The following WDR43 variants were observed in gnomAD, a reference collection of about 807,000 sequenced individuals.
The protein encoded by WDR43 is WD repeat-containing protein 43.
Under a neutral mutation model 91.4 loss-of-function variants are expected in WDR43, and 13 were observed. The ratio of observed to expected loss-of-function variants is 0.14; its 90% CI spans 0.09 to 0.23. The LOEUF is 0.23. Ranked by LOEUF, WDR43 falls within the 10% of genes least tolerant of loss-of-function variation. The pLI, the probability that WDR43 is intolerant of heterozygous loss-of-function variation, is 1.00. For missense variants in WDR43, 780 were observed against 809.4 expected (o/e 0.96, Z 0.44); for synonymous variants, 331 against 287.9 (o/e 1.15, Z -1.51).
intron 8 of WDR43, among the ~76,000 whole-genome samples, chr2:28,925,682 C>G (rs1671115602): frequency 6.6e-6 from 1 of 152,164 alleles, no homozygotes; most frequent in African/African-American, 2.4e-5. Flanking sequence ...TAAGCATGTA[C>G]AAAAGGTTAT....
chr2:28,917,155 G>A (rs10175980), intron 5 of WDR43, among the ~76,000 whole-genome samples: 102,578 of 152,036 alleles, frequency 0.67, 35,219 homozygotes, highest in East Asian at 0.85. Context: ...GAACGGCAAC[G>A]GGAAGGCAGA....
intron 16 of WDR43, among the ~76,000 whole-genome samples, chr2:28,944,494 G>A (rs1156352295): frequency 1.3e-5 from 2 of 152,154 alleles, no homozygotes; most frequent in Non-Finnish European, 2.9e-5. Flanking sequence ...CATATATGTA[G>A]AGATTATATA....
At chr2:28,940,710 A>G (rs1363194238) in intron 14 of WDR43, among the ~76,000 whole-genome samples, 3 of 152,320 alleles carry the variant, frequency 2.0e-5, no homozygotes, top group South Asian at 4.1e-4. Context: ...TATGGCCATC[A>G]TGGTTTCCTT....
chr2:28,894,715 G>A lies in WDR43; in HGVS notation c.17G>A (p.Gly6Asp). Residue 6 changes from glycine to aspartate, a missense_variant, in exon 1 of 18, where the codon GGC becomes GAC. This residue lies in a region of WDR43 where 175 missense variants were observed against 113.8 expected (regional missense o/e 1.54). Transcript: ENST00000407426. MAAGG[G>D]GSCDPLAPAG... ...AGAGCAGCAATGGCGGCGGGCGGCGGCGGTAGCTGCGACCCCCTGGCCCCT... is the reference window on the plus strand; with the variant it reads ...AGAGCAGCAATGGCGGCGGGCGGCGACGGTAGCTGCGACCCCCTGGCCCCT... 1 of 1,562,978 alleles carries A rather than the reference G, an allele frequency of 6.4e-7. No homozygotes were observed.
chr2:28,945,511 G>A (rs183604867), intron 16 of WDR43, among the ~76,000 whole-genome samples: 71 of 152,280 alleles, frequency 4.7e-4, no homozygotes, highest in Middle Eastern at 6.8e-3. Flanking sequence ...TTCACAGAAT[G>A]CCCCACCTTA....
intron 3 of WDR43, among the ~76,000 whole-genome samples, chr2:28,909,101 A>C (rs542924905): frequency 1.3e-5 from 2 of 152,066 alleles, no homozygotes; most frequent in South Asian, 4.1e-4. Flanking sequence ...CTGTCTTGTA[A>C]GTTCTGCTGA....
At chr2:28,933,646 G>A (rs572203064) in intron 11 of WDR43, among the ~76,000 whole-genome samples, 81 of 152,282 alleles carry the variant, frequency 5.3e-4, no homozygotes, top group Non-Finnish European at 9.0e-4. Context: ...CAAAGGATTT[G>A]TATCTGGACT....
chr2:28,909,195 A>G (rs960165706), intron 3 of WDR43, among the ~76,000 whole-genome samples: 13 of 152,112 alleles, frequency 8.5e-5, no homozygotes, highest in African/African-American at 3.1e-4. Flanking sequence ...CTGGATTGCA[A>G]TGGCGCGATC....
chr2:28,946,762 G>C lies in WDR43; in HGVS notation c.2017G>C (p.Glu673Gln). 6.3e-7 allele frequency: 1 copy of C among 1,579,944 alleles called. No homozygotes were observed. Among genetic ancestry groups the C allele is most frequent in the Non-Finnish European group, 8.6e-7 (1 of 1,164,292 alleles). ...NGDSDLDPEN[E>Q]SEEE Reference sequence around the variant, plus strand: ...AGATTCTGATTTAGATCCTGAAAATGAAAGTGAAGAAGAATGAAGACAGCA... The same window carrying C: ...AGATTCTGATTTAGATCCTGAAAATCAAAGTGAAGAAGAATGAAGACAGCA... The change falls in exon 18 of 18, where the codon GAA becomes CAA. Residue 673 changes from glutamate (E) to glutamine (Q), a missense_variant. Coordinates refer to ENST00000407426, the MANE Select transcript of WDR43 (RefSeq NM_015131.3).
chr2:28,944,822 C>T (rs1284968651), intron 16 of WDR43, among the ~76,000 whole-genome samples: 2 of 152,240 alleles, frequency 1.3e-5, no homozygotes, highest in Non-Finnish European at 2.9e-5. Context: ...CTAGTGTAGA[C>T]AGCGAAGCTG....
At chr2:28,918,698 G>A (rs1432428612) in intron 6 of WDR43, among the ~76,000 whole-genome samples, 2 of 152,004 alleles carry the variant, frequency 1.3e-5, no homozygotes, top group Non-Finnish European at 2.9e-5. Context: ...TAAGAGTGAT[G>A]TCCTCTTGTT....
chr2:28,900,339 C>T (rs555883842), intron 1 of WDR43, among the ~76,000 whole-genome samples: 107 of 152,172 alleles, frequency 7.0e-4, no homozygotes, highest in Middle Eastern at 6.8e-3. Flanking sequence ...CACCACCACG[C>T]CCGGCTAATT....
rs537236867 is a variant in WDR43 at position 28,904,314 on chromosome 2, A to G, written c.364-2146A>G. Among the ~76,000 whole-genome samples the G allele has an allele frequency of 5.3e-5, 8 of 152,238 alleles. No homozygotes were observed. The South Asian group carries it at 1.7e-3, about 32-fold the overall frequency. ...TCATGTGTGAATAATTTAACTTCTCATCCCTTAAATGGGTATTAACAGCCT... is the reference window on the plus strand; with the variant it reads ...TCATGTGTGAATAATTTAACTTCTCGTCCCTTAAATGGGTATTAACAGCCT... On this transcript the variant is annotated intron_variant, in intron 2 of 17. Transcript: ENST00000407426.
At chr2:28,904,049 C>T (rs2148179526) in intron 2 of WDR43, among the ~76,000 whole-genome samples, 1 of 152,228 alleles carries the variant, frequency 6.6e-6, no homozygotes, top group East Asian at 1.9e-4. Context: ...GTGTGATCTG[C>T]CTGCTTGGCC....
At chr2:28,904,083 C>T (rs1274699342) in intron 2 of WDR43, among the ~76,000 whole-genome samples, 2 of 152,074 alleles carry the variant, frequency 1.3e-5, no homozygotes, top group Non-Finnish European at 2.9e-5. Flanking sequence ...GGGTTACAGG[C>T]ATGAGCCACC....
intron 12 of WDR43, among the ~76,000 whole-genome samples, chr2:28,936,321 C>G (rs1277425357): frequency 6.6e-6 from 1 of 152,098 alleles, no homozygotes; most frequent in East Asian, 1.9e-4. Flanking sequence ...TTCCATTTAT[C>G]TAACATGCTG....
In WDR43 at chr2:28,894,859, C is replaced by T. The variant is rs772439637; in HGVS notation, c.161C>T (p.Pro54Leu). The stretch of plus-strand genomic sequence containing the variant: ...AACCGGCTGCACCAGGAGTACGTGC[C>T]TTCCGCGCACCTCAGTGGTACCTGC... Reference protein sequence around the residue: ...ANNRLHQEYVPSAHLSGTCTC... With the variant: ...ANNRLHQEYVLSAHLSGTCTC... The change falls in exon 1 of 18, where the codon CCT (proline) becomes CTT (leucine). Residue 54 changes from proline (P) to leucine (L), a missense_variant. Transcript: ENST00000407426. 4.3e-6 allele frequency: 7 copies of T among 1,610,498 alleles called. No homozygotes were observed. In the Admixed American group the frequency reaches 6.7e-5, roughly 15 times the overall value.
intron 11 of WDR43, among the ~76,000 whole-genome samples, chr2:28,934,490 T>C (rs753042831): frequency 1.3e-5 from 2 of 152,226 alleles, no homozygotes; most frequent in Non-Finnish European, 2.9e-5. Flanking sequence ...TTAGTAGTTA[T>C]AACTATGGCT....
At position 28,946,743 on chromosome 2, in the gene WDR43, T is replaced by C; in HGVS notation, c.1998T>C (p.Ser666=). Residue 666 remains serine, a synonymous_variant, in exon 18 of 18, where the codon TCT becomes TCC. Transcript: ENST00000407426. ...TASEKELNGD[S]DLDPENESEE... ...GTGAAAAAGAATTAAATGGAGATTCTGATTTAGATCCTGAAAATGAAAGTG... is the reference window on the plus strand; with the variant it reads ...GTGAAAAAGAATTAAATGGAGATTCCGATTTAGATCCTGAAAATGAAAGTG... 6.3e-7 allele frequency: 1 copy of C among 1,586,932 alleles called. No homozygotes were observed. Among genetic ancestry groups the C allele is most frequent in the South Asian group, 1.2e-5 (1 of 86,570 alleles).
Sources: allele counts gnomAD v4.1 joint callset (sites outside exome capture counted in the v4.1 genomes callset), GRCh38; gene constraint gnomAD v4.1.1; regional missense constraint gnomAD v4.1.1; transcripts MANE v1.5; gene names NCBI Gene and HGNC (gene_info 2026-07-23, HGNC 2026-07-21).